NRG3: variants seen among roughly 807,000 people sequenced by gnomAD.
NRG3 encodes pro-neuregulin-3, membrane-bound isoform.
A neutral mutation model predicts 66.9 loss-of-function variants in NRG3; 31 were observed. The ratio of observed to expected loss-of-function variants is 0.46; its 90% confidence interval spans 0.35 to 0.63. NRG3 has a LOEUF of 0.63. Ranked by LOEUF, NRG3 falls within the 20% of genes least tolerant of loss-of-function variation. The probability of loss-of-function intolerance (pLI) is 0.00; values close to 1 mark genes in which losing one functional copy is unlikely to be tolerated. For synonymous variants in NRG3, 393 were observed against 359.4 expected (o/e 1.09, Z -1.06); for missense variants, 910 against 878.9 (o/e 1.04, Z -0.45).
At chr10:82,487,569 G>A (rs1249072710) in intron 2 of NRG3, among the ~76,000 whole-genome samples, 1 of 152,100 alleles carries the variant, frequency 6.6e-6, no homozygotes, top group East Asian at 1.9e-4. Flanking sequence ...AGAGGCCATT[G>A]CTAATTTTAC....
chr10:82,571,891 TA>T (rs903686579), intron 2 of NRG3, among the ~76,000 whole-genome samples: 3 of 151,596 alleles, frequency 2.0e-5, no homozygotes, highest in African/African-American at 7.3e-5. Context: ...AAAGATACAT[TA>T]AAAAAATGTA....
intron 2 of NRG3, among the ~76,000 whole-genome samples, chr10:82,625,310 AT>A (rs751605922): frequency 5.9e-5 from 9 of 152,042 alleles, no homozygotes; most frequent in African/African-American, 2.2e-4. Flanking sequence ...AGAAAAAAAA[AT>A]GATCACAAAT....
chr10:82,629,059 T>C (rs1249009009), intron 2 of NRG3, among the ~76,000 whole-genome samples: 1 of 152,172 alleles, frequency 6.6e-6, no homozygotes, highest in African/African-American at 2.4e-5. Flanking sequence ...AATATCTATC[T>C]TTTAGATTTG....
At position 81,875,202 on chromosome 10, in the gene NRG3, A is replaced by T. The variant is rs1234476206; in HGVS notation, c.-139A>T. 6.9e-5 allele frequency: 19 copies of T among 273,456 alleles called. No individual in the cohort carries two copies. The highest frequency in any genetic ancestry group is 1.4e-4 in the South Asian group (1 of 7,320). 16.9% of individuals were successfully genotyped at this position (273,456 alleles called of 1,614,324 possible). On this transcript the variant is annotated 5_prime_UTR_variant, in exon 1 of 9. The change abolishes an upstream ATG in the 5' untranslated region. Coordinates refer to ENST00000372141, the MANE Select transcript of NRG3 (RefSeq NM_001010848.4). This position sits in a 1 kb window ranked among gnomAD's most constrained non-coding sequence, Gnocchi z 5.3. ...GCGTGGGGGCAGGGAGCGGATTTGCATGCGGCCGCCGCGGCCGCTGCCTGC... is the reference window on the plus strand; with the variant it reads ...GCGTGGGGGCAGGGAGCGGATTTGCTTGCGGCCGCCGCGGCCGCTGCCTGC...
chr10:82,346,135 C>G (rs893176616), intron 1 of NRG3, among the ~76,000 whole-genome samples: 8 of 145,964 alleles, frequency 5.5e-5, no homozygotes, highest in Admixed American at 5.4e-4. Context: ...GCATCCCTGT[C>G]TTGTGCCAGT....
chr10:81,875,198 T>G lies in NRG3; in HGVS notation c.-143T>G. On this transcript the variant is annotated 5_prime_UTR_variant, in exon 1 of 9. The change creates a new upstream start codon in the 5' untranslated region. Transcript: ENST00000372141. The surrounding 1 kb of genome is among the most constrained non-coding windows in gnomAD (Gnocchi z 5.3). ...AGGGGCGTGGGGGCAGGGAGCGGAT[T>G]TGCATGCGGCCGCCGCGGCCGCTGC... 1 of 261,568 alleles carries G rather than the reference T, an allele frequency of 3.8e-6. No homozygotes were observed. The highest frequency in any genetic ancestry group is 2.4e-5 in the African/African-American group (1 of 42,376). 16.2% of individuals were successfully genotyped at this position (261,568 alleles called of 1,614,324 possible). A position where few individuals can be genotyped will look rare whatever the true frequency, so the allele number is the denominator to read the frequency against.
intron 1 of NRG3, among the ~76,000 whole-genome samples, chr10:82,288,064 G>A (rs1478021739): frequency 6.6e-6 from 1 of 152,136 alleles, no homozygotes; most frequent in Non-Finnish European, 1.5e-5. Flanking sequence ...GAGCCCCGAT[G>A]GGGTCCCATT....
At chr10:82,737,823 G>A (rs1050961495) in intron 2 of NRG3, among the ~76,000 whole-genome samples, 4 of 152,212 alleles carry the variant, frequency 2.6e-5, no homozygotes, top group Non-Finnish European at 5.9e-5. Context: ...CTGGCAGGGC[G>A]GCGGGGGCAT....
intron 2 of NRG3, among the ~76,000 whole-genome samples, chr10:82,557,846 T>G (rs2044750938): frequency 6.6e-6 from 1 of 152,160 alleles, no homozygotes; most frequent in African/African-American, 2.4e-5. Flanking sequence ...TGAAGTAAGT[T>G]TCCCAAGGTC....
chr10:81,994,878 C>T (rs562716024), intron 1 of NRG3, among the ~76,000 whole-genome samples: 1 of 152,024 alleles, frequency 6.6e-6, no homozygotes, highest in Non-Finnish European at 1.5e-5. Context: ...CTTCATAAAT[C>T]TATTTTTATG....
At chr10:82,366,946 A>AT (rs1178408790) in intron 2 of NRG3, among the ~76,000 whole-genome samples, 1 of 152,182 alleles carries the variant, frequency 6.6e-6, no homozygotes, top group African/African-American at 2.4e-5. Flanking sequence ...TAAAAGGAAC[A>AT]TTTTTTAAAC....
At chr10:82,315,115 T>C (rs2081228563) in intron 1 of NRG3, among the ~76,000 whole-genome samples, 1 of 152,164 alleles carries the variant, frequency 6.6e-6, no homozygotes, top group Admixed American at 6.5e-5. Context: ...GTATTTATGG[T>C]CCATGGTTAA....
At chr10:82,582,600 T>G (rs1469358166) in intron 2 of NRG3, among the ~76,000 whole-genome samples, 1 of 151,936 alleles carries the variant, frequency 6.6e-6, no homozygotes, top group Non-Finnish European at 1.5e-5. Flanking sequence ...AATTACAACA[T>G]ATATCTGCAT....
At chr10:81,971,694 C>T (rs73306593) in intron 1 of NRG3, among the ~76,000 whole-genome samples, 2,129 of 152,242 alleles carry the variant, frequency 0.014, 57 homozygotes, top group African/African-American at 0.049. Flanking sequence ...CAGTTTCCAA[C>T]GTGTAGCACA....
chr10:82,213,794 C>T (rs1189671565), intron 1 of NRG3, among the ~76,000 whole-genome samples: 1 of 152,112 alleles, frequency 6.6e-6, no homozygotes, highest in African/African-American at 2.4e-5. Flanking sequence ...TTTCCAGAAA[C>T]AGAAGACACA....
At chr10:82,693,063 C>T (rs995930586) in intron 2 of NRG3, among the ~76,000 whole-genome samples, 1 of 152,120 alleles carries the variant, frequency 6.6e-6, no homozygotes, top group African/African-American at 2.4e-5. Context: ...TGCCTCTGCC[C>T]ACTCCTGTCA....
chr10:82,947,243 A>C (rs1036210092), intron 4 of NRG3, among the ~76,000 whole-genome samples: 9 of 152,166 alleles, frequency 5.9e-5, no homozygotes, highest in Non-Finnish European at 1.2e-4. Context: ...TGCACTCAGC[A>C]TATTTATTCT....
At chr10:82,049,135 C>T (rs999014613) in intron 1 of NRG3, among the ~76,000 whole-genome samples, 25 of 151,990 alleles carry the variant, frequency 1.6e-4, no homozygotes, top group African/African-American at 3.1e-4. Context: ...ATTCTTCGTA[C>T]GGTATAGGAA....
intron 3 of NRG3, among the ~76,000 whole-genome samples, chr10:82,828,254 G>C (rs2062339434): frequency 6.6e-6 from 1 of 152,306 alleles, no homozygotes. Flanking sequence ...AATGTACAAA[G>C]TTCATTGTCC....
Sources: gnomAD v4.1 joint callset for allele counts (sites outside exome capture counted in the v4.1 genomes callset) on GRCh38, gnomAD v4.1.1 for gene constraint, Gnocchi (gnomAD v3.1) non-coding constraint, MANE v1.5 for transcripts, NCBI Gene and HGNC (gene_info 2026-07-23, HGNC 2026-07-21) for gene names.